The following TMPRSS2 variants were observed in gnomAD, a reference collection of about 807,000 sequenced individuals.
TMPRSS2 encodes the protein transmembrane serine protease 2.
Under a neutral mutation model 67.4 loss-of-function variants are expected in TMPRSS2, and 59 were observed. The ratio of observed to expected loss-of-function variants is 0.88; its 90% CI spans 0.71 to 1.09. The LOEUF (loss-of-function observed/expected upper bound fraction) is 1.09. TMPRSS2 is among the 50% of genes least tolerant of loss of function. The pLI, the probability that TMPRSS2 is intolerant of heterozygous loss-of-function variation, is 0.00. For missense variants in TMPRSS2, 668 were observed against 642.7 expected, an observed-to-expected ratio of 1.04 and a Z score of -0.43; for synonymous variants, 257 against 257.0, an observed-to-expected ratio of 1.00 and a Z score of 0.00.
intron 1 of TMPRSS2, among the ~76,000 whole-genome samples, chr21:41,504,051 A>G (rs2091441060): frequency 6.6e-6 from 1 of 152,256 alleles, no homozygotes; most frequent in East Asian, 1.9e-4. Context: ...ACAAGCAATA[A>G]TAAAAAGCCT....
Position 41,496,877 on chromosome 21 carries a change from G to A in TMPRSS2, c.15+1242C>T, listed in dbSNP as rs189067157. On this transcript the variant is annotated intron_variant, in intron 2 of 13. Coordinates refer to ENST00000332149, the MANE Select transcript of TMPRSS2 (RefSeq NM_005656.4). Reference sequence around the variant, plus strand: ...TTTTTTGAGACAGTGTTTCCCTCTCGTTGCCCAGGCTGGAGTGCAGTGGTG... The same window carrying A: ...TTTTTTGAGACAGTGTTTCCCTCTCATTGCCCAGGCTGGAGTGCAGTGGTG... Among the ~76,000 whole-genome samples the A allele has an allele frequency of 8.9e-5, 10 of 112,502 alleles. No homozygotes were observed. The East Asian group carries it at 1.9e-3, about 21-fold the overall frequency. 73.8% of individuals were successfully genotyped at this position (112,502 alleles called of 152,430 possible).
chr21:41,471,705 G>T, intron 10 of TMPRSS2, 101 bp downstream of exon 10: 1 of 1,378,664 alleles, frequency 7.3e-7, no homozygotes, highest in Non-Finnish European at 9.9e-7. Flanking sequence ...CTCGCTCAAC[G>T]CAAATGCCTC....
At chr21:41,497,125 C>G (rs2091389682) in intron 2 of TMPRSS2, among the ~76,000 whole-genome samples, 1 of 152,158 alleles carries the variant, frequency 6.6e-6, no homozygotes, top group African/African-American at 2.4e-5. Flanking sequence ...CAGGCATGAG[C>G]CACCACGCCC....
rs1458801995 is a variant in TMPRSS2 at position 41,464,971 on chromosome 21, T to C, written c.*1171A>G. 1 of 233,196 alleles carries C rather than the reference T, an allele frequency of 4.3e-6. No homozygotes were observed. The highest frequency in any genetic ancestry group is 2.2e-5 in the African/African-American group (1 of 45,350). The allele number at this position is 233,196 out of a possible 1,614,324, so 14.4% of individuals were successfully genotyped here. On this transcript the variant is annotated 3_prime_UTR_variant, in exon 14 of 14. Transcript: ENST00000332149. ...AATGCAAAAGGGACCCTTCCCCTGG[T>C]TGGAAACCCACAGCATTGGAAGGGA...
At chr21:41,495,412 T>C (rs2091373960) in intron 2 of TMPRSS2, among the ~76,000 whole-genome samples, 1 of 151,942 alleles carries the variant, frequency 6.6e-6, no homozygotes, top group Admixed American at 6.6e-5. Flanking sequence ...TCACCTGAGG[T>C]CAGGAGTTTG....
chr21:41,508,085 C>T lies in TMPRSS2; in HGVS notation c.-61G>A. On this transcript the variant is annotated 5_prime_UTR_variant, in exon 1 of 14. Coordinates refer to ENST00000332149, the MANE Select transcript of TMPRSS2 (RefSeq NM_005656.4). ...CCTGGTACCGGCGCCGCTCACCTGC[C>T]GCGCTCCAGGCGGCGCTCCCCGCCC... 7.9e-7 allele frequency: 1 copy of T among 1,262,362 alleles called. No individual in the cohort carries two copies. Among genetic ancestry groups the T allele is most frequent in the South Asian group, 2.4e-5 (1 of 42,508 alleles). 78.2% of individuals were successfully genotyped at this position (1,262,362 alleles called of 1,614,324 possible).
chr21:41,469,000 G>A (rs2091108377), intron 11 of TMPRSS2, among the ~76,000 whole-genome samples: 1 of 152,064 alleles, frequency 6.6e-6, no homozygotes, highest in Non-Finnish European at 1.5e-5. Context: ...AGCTTCTCAA[G>A]ACACGGCCTG....
In TMPRSS2 at chr21:41,467,338, G is replaced by A. The variant is rs1034535893; in HGVS notation, c.1467+396C>T. On this transcript the variant is annotated intron_variant, in intron 13 of 13. Transcript: ENST00000332149. Reference sequence around the variant, plus strand: ...CAGGAGGCAAAGGTTGCAGTGAGTCGAGATTGTGCCACTGCACTCCAGCCT... The same window carrying A: ...CAGGAGGCAAAGGTTGCAGTGAGTCAAGATTGTGCCACTGCACTCCAGCCT... Among the ~76,000 whole-genome samples, 5 of 151,166 alleles carry A rather than the reference G, an allele frequency of 3.3e-5. No homozygotes were observed. In the East Asian group the frequency reaches 7.8e-4, roughly 24 times the overall value.
chr21:41,479,290 A>G lies in TMPRSS2; in HGVS notation c.573-8T>C. ...CTAGAGTAAAAATTATTCCTAAAAA[A>G]GAAAACCTTATTTGTGATAATGGTT... is the stretch of plus-strand genomic sequence containing the variant. On this transcript the variant is annotated splice_polypyrimidine_tract_variant and splice_region_variant and intron_variant, in intron 6 of 13. Transcript: ENST00000332149. The G allele has an allele frequency of 6.2e-7, 1 of 1,605,972 alleles. No homozygotes were observed. Among genetic ancestry groups the G allele is most frequent in the Non-Finnish European group, 8.5e-7 (1 of 1,173,244 alleles).
Position 41,508,064 on chromosome 21 carries a change from G to A in TMPRSS2, c.-57+17C>T, listed in dbSNP as rs2091471651. On this transcript the variant is annotated intron_variant, in intron 1 of 13. Transcript: ENST00000332149. ...GCCCGGACCCCGAGCCGGGACCCTG[G>A]TACCGGCGCCGCTCACCTGCCGCGC... 7.8e-7 allele frequency: 1 copy of A among 1,284,052 alleles called. No homozygotes were observed. Among genetic ancestry groups the A allele is most frequent in the South Asian group, 2.3e-5 (1 of 42,818 alleles). The allele number at this position is 1,284,052 out of a possible 1,614,324, so 79.5% of individuals were successfully genotyped here.
intron 6 of TMPRSS2, among the ~76,000 whole-genome samples, chr21:41,479,835 A>G (rs1413131268): frequency 6.6e-6 from 1 of 152,062 alleles, no homozygotes; most frequent in Non-Finnish European, 1.5e-5. Context: ...CTCTCCCCCG[A>G]TGCCTGAGGG....
intron 2 of TMPRSS2, among the ~76,000 whole-genome samples, chr21:41,497,001 C>G (rs921036767): frequency 2.0e-5 from 3 of 151,854 alleles, no homozygotes; most frequent in African/African-American, 4.8e-5. Context: ...CCACCACACC[C>G]GGCTAATTTT....
chr21:41,505,752 T>C (rs1276487884), intron 1 of TMPRSS2, among the ~76,000 whole-genome samples: 1 of 152,188 alleles, frequency 6.6e-6, no homozygotes, highest in Non-Finnish European at 1.5e-5. Flanking sequence ...TTTCCTCCAC[T>C]TGCTGGTAAC....
chr21:41,469,518 C>T lies in TMPRSS2; in HGVS notation c.1172-980G>A, dbSNP rs146052428. Among the ~76,000 whole-genome samples, 654 of 152,260 alleles carry T rather than the reference C, an allele frequency of 4.3e-3. 6 individuals carry two copies. The highest frequency in any genetic ancestry group is 0.015 in the African/African-American group (621 of 41,550). On this transcript the variant is annotated intron_variant, in intron 11 of 13. Transcript: ENST00000332149. Reference sequence around the variant, plus strand: ...GGACCTATGCAATCTGGCCCCAGCCCACCTCCTTGGCCCCTTGACCACACC... The same window carrying T: ...GGACCTATGCAATCTGGCCCCAGCCTACCTCCTTGGCCCCTTGACCACACC...
intron 1 of TMPRSS2, 64 bp downstream of exon 1, chr21:41,508,017 G>A: frequency 2.2e-6 from 3 of 1,350,760 alleles, no homozygotes; most frequent in South Asian, 1.8e-5. Context: ...GCGGGTCCCA[G>A]GCGCCCAGGT....
chr21:41,473,313 C>T lies in TMPRSS2; in HGVS notation c.899+12G>A, dbSNP rs1190652894. The T allele has an allele frequency of 6.3e-7, 1 of 1,581,738 alleles. No homozygotes were observed. Among genetic ancestry groups the T allele is most frequent in the Admixed American group, 1.7e-5 (1 of 57,886 alleles). ...CTGAGCCCCCACCCGGCCCGCGCCG[C>T]CCCTGGCATACTTTTCCACGCAGTG... On this transcript the variant is annotated intron_variant, in intron 9 of 13. Coordinates refer to ENST00000332149, the MANE Select transcript of TMPRSS2 (RefSeq NM_005656.4).
intron 7 of TMPRSS2, among the ~76,000 whole-genome samples, chr21:41,477,197 T>C (rs1479274765): frequency 6.6e-6 from 1 of 152,188 alleles, no homozygotes; most frequent in Non-Finnish European, 1.5e-5. Context: ...CATGCAGAGC[T>C]GGCCCGCCCT....
At position 41,480,546 on chromosome 21, in the gene TMPRSS2, A is replaced by G. The variant is rs2146451998; in HGVS notation, c.502T>C (p.Trp168Arg). 6.2e-7 allele frequency: 1 copy of G among 1,613,850 alleles called. No individual in the cohort carries two copies. The highest frequency in any genetic ancestry group is 8.5e-7 in the Non-Finnish European group (1 of 1,180,040). The change falls in exon 6 of 14, where the codon TGG becomes CGG. Residue 168 changes from tryptophan to arginine, a missense_variant. By Grantham distance (101) the Trp-to-Arg change is moderately radical. Transcript: ENST00000332149. ...LQVYSSQRKS[W>R]HPVCQDDWNE... ...CAGTCGTCTTGGCACACAGGGTGCC[A>G]GGACTTCCTCTGAGATGAGTACACC...
At chr21:41,492,837 G>A (rs1479729808) in intron 3 of TMPRSS2, among the ~76,000 whole-genome samples, 1 of 152,190 alleles carries the variant, frequency 6.6e-6, no homozygotes, top group East Asian at 1.9e-4. Context: ...GAACACCACC[G>A]TCTGGAGATG....
Sources: allele counts gnomAD v4.1 joint callset (sites outside exome capture counted in the v4.1 genomes callset), GRCh38; gene constraint gnomAD v4.1.1; transcripts MANE v1.5; gene names NCBI Gene and HGNC (gene_info 2026-07-23, HGNC 2026-07-21).